The following TAF3 variants were observed in gnomAD, a reference collection of about 807,000 sequenced individuals.
TAF3 encodes transcription initiation factor TFIID subunit 3.
TAF3 carries 7 observed loss-of-function variants against 80.6 expected under a neutral mutation model. That is an observed-to-expected ratio of 0.09 (90% CI 0.05 to 0.16). The LOEUF (loss-of-function observed/expected upper bound fraction) is 0.16. TAF3 is among the 10% of genes least tolerant of loss of function. The probability of loss-of-function intolerance (pLI) is 1.00; values close to 1 mark genes in which losing one functional copy is unlikely to be tolerated. For missense variants in TAF3, 921 were observed against 1,140.2 expected (o/e 0.81, Z 2.77); for synonymous variants, 444 against 446.1 (o/e 1.00, Z 0.06).
intron 2 of TAF3, among the ~76,000 whole-genome samples, chr10:7,829,909 T>C (rs1409297738): frequency 3.9e-5 from 6 of 152,236 alleles, no homozygotes; most frequent in African/African-American, 1.4e-4. Context: ...ATTTCTATTT[T>C]TATTATTAAA....
chr10:7,863,672 C>CAT lies in TAF3; in HGVS notation c.409+39124_409+39125dup, dbSNP rs745710710. Among the ~76,000 whole-genome samples the CAT allele has an allele frequency of 5.0e-4, 21 of 41,792 alleles. 7 individuals are homozygous for CAT. Among genetic ancestry groups the CAT allele is most frequent in the Non-Finnish European group, 8.9e-4 (20 of 22,396 alleles). 27.4% of individuals were successfully genotyped at this position (41,792 alleles called of 152,430 possible). On this transcript the variant is annotated intron_variant, in intron 2 of 6. Coordinates refer to ENST00000344293, the MANE Select transcript of TAF3 (RefSeq NM_031923.4). ...ACACACACACATATATATATACACA[C>CAT]ATATATATATATACACACACATATA...
chr10:7,952,643 A>C (rs1383909066), intron 2 of TAF3, among the ~76,000 whole-genome samples: 1 of 152,214 alleles, frequency 6.6e-6, no homozygotes, highest in Admixed American at 6.5e-5. Flanking sequence ...TTTATTGTGC[A>C]GAATGTTAGT....
rs1004539726 is a variant in TAF3, at chr10:8,015,269, C to T, written c.*518C>T. On this transcript the variant is annotated 3_prime_UTR_variant, in exon 7 of 7. Coordinates refer to ENST00000344293, the MANE Select transcript of TAF3 (RefSeq NM_031923.4). The stretch of plus-strand genomic sequence containing the variant: ...TTTGTGATAAGAATATATGAAGCTT[C>T]CCTCCTTCCCCCGTTTTTAGTACTA... 6.6e-6 allele frequency: 1 copy of T among 152,244 alleles called. No individual in the cohort carries two copies. The highest frequency in any genetic ancestry group is 6.5e-5 in the Admixed American group (1 of 15,276). 9.4% of individuals were successfully genotyped at this position (152,244 alleles called of 1,614,324 possible). A position where few individuals can be genotyped will look rare whatever the true frequency, so the allele number is the denominator to read the frequency against.
At chr10:8,012,668 G>A (rs573198663) in intron 5 of TAF3, among the ~76,000 whole-genome samples, 1 of 152,328 alleles carries the variant, frequency 6.6e-6, no homozygotes, top group South Asian at 2.1e-4. Context: ...GGTCAGAGAT[G>A]TAGTTGCCCA....
intron 2 of TAF3, among the ~76,000 whole-genome samples, chr10:7,857,324 C>CCCTA (rs1331922152): frequency 3.3e-5 from 5 of 152,204 alleles, no homozygotes; most frequent in African/African-American, 1.2e-4. Flanking sequence ...ACTTTGCCTT[C>CCCTA]CCTATCACAG....
chr10:7,991,221 A>G (rs1831830556), intron 4 of TAF3, among the ~76,000 whole-genome samples: 2 of 152,120 alleles, frequency 1.3e-5, no homozygotes, highest in Admixed American at 6.5e-5. Context: ...ACACATCCGT[A>G]TGCATGTATA....
rs188961718 is a variant in TAF3 at position 7,949,462 on chromosome 10, C to T, written c.410-14458C>T. ...TTAGGGCAACAGCCAAGCAGGCCCC[C>T]ACCTGTCCTAGCCTTTCCCTTTGCA... On this transcript the variant is annotated intron_variant, in intron 2 of 6. Transcript: ENST00000344293. Among the ~76,000 whole-genome samples, 4 of 152,364 alleles carry T rather than the reference C, an allele frequency of 2.6e-5. No homozygotes were observed. In the East Asian group the frequency reaches 7.7e-4, roughly 29 times the overall value.
intron 5 of TAF3, among the ~76,000 whole-genome samples, chr10:8,012,332 C>G (rs1229969687): frequency 6.6e-6 from 1 of 152,176 alleles, no homozygotes; most frequent in South Asian, 2.1e-4. Flanking sequence ...GTTGGAAATG[C>G]CACTTAAATT....
At chr10:7,843,470 T>C (rs934830417) in intron 2 of TAF3, among the ~76,000 whole-genome samples, 3 of 152,196 alleles carry the variant, frequency 2.0e-5, no homozygotes, top group Non-Finnish European at 4.4e-5. Context: ...CTTTTAGTTG[T>C]AGTCATCTAC....
At chr10:7,979,443 TTC>T (rs1831704954) in intron 4 of TAF3, among the ~76,000 whole-genome samples, 2 of 152,188 alleles carry the variant, frequency 1.3e-5, no homozygotes, top group South Asian at 2.1e-4. Flanking sequence ...TGATTATTTA[TTC>T]TGTTTTCCCC....
intron 2 of TAF3, among the ~76,000 whole-genome samples, chr10:7,854,876 A>T (rs2131129191): frequency 6.6e-6 from 1 of 152,316 alleles, no homozygotes; most frequent in East Asian, 1.9e-4. Context: ...GTTGTGGATG[A>T]ACAGAATGAG....
chr10:8,008,165 C>T (rs955693051), intron 4 of TAF3, among the ~76,000 whole-genome samples: 2 of 144,354 alleles, frequency 1.4e-5, no homozygotes, highest in African/African-American at 2.5e-5. Context: ...GGCGAGATCT[C>T]GGCTCACTGT....
rs1358422236 is a variant in TAF3 at position 7,818,584 on chromosome 10, G to A, written c.-126G>A. On this transcript the variant is annotated 5_prime_UTR_variant, in exon 1 of 7. Coordinates refer to ENST00000344293, the MANE Select transcript of TAF3 (RefSeq NM_031923.4). ...CTGCTGGGGCTTTGAGGTGGTCGCC[G>A]GGGGTCCGGGGGACCCTTTCCCCGC... The A allele has an allele frequency of 6.4e-6, 7 of 1,089,982 alleles. No individual in the cohort carries two copies. The East Asian group carries it at 9.4e-5, about 15-fold the overall frequency. 67.5% of individuals were successfully genotyped at this position (1,089,982 alleles called of 1,614,324 possible). A position where few individuals can be genotyped will look rare whatever the true frequency, so the allele number is the denominator to read the frequency against.
At chr10:7,886,738 TATAAC>T (rs1408807053) in intron 2 of TAF3, among the ~76,000 whole-genome samples, 2 of 152,236 alleles carry the variant, frequency 1.3e-5, no homozygotes, top group African/African-American at 4.8e-5. Flanking sequence ...CCTCAACACT[TATAAC>T]ATGACCTCTG....
intron 2 of TAF3, among the ~76,000 whole-genome samples, chr10:7,863,676 T>TATATACACACACAC (rs1564350867): frequency 5.4e-5 from 3 of 55,176 alleles, no homozygotes; most frequent in Non-Finnish European, 7.4e-5. Context: ...TACACACATA[T>TATATACACACACAC]ATATATATAC....
At chr10:7,940,949 A>G (rs1260513395) in intron 2 of TAF3, among the ~76,000 whole-genome samples, 1 of 151,732 alleles carries the variant, frequency 6.6e-6, no homozygotes, top group Non-Finnish European at 1.5e-5. Context: ...ACAGAGCAAG[A>G]CCCTGTCTCA....
At chr10:7,930,869 T>G (rs986659613) in intron 2 of TAF3, among the ~76,000 whole-genome samples, 3 of 152,020 alleles carry the variant, frequency 2.0e-5, no homozygotes, top group Non-Finnish European at 4.4e-5. Context: ...ATATAAGGGC[T>G]TATATTTTTG....
intron 1 of TAF3, among the ~76,000 whole-genome samples, chr10:7,822,781 A>C (rs1452159419): frequency 2.0e-5 from 3 of 152,248 alleles, no homozygotes; most frequent in African/African-American, 7.2e-5. Flanking sequence ...TAGGCTATTG[A>C]AAATCAGAAA....
At chr10:7,966,317 C>A (rs1305878633) in intron 3 of TAF3, among the ~76,000 whole-genome samples, 1 of 152,208 alleles carries the variant, frequency 6.6e-6, no homozygotes, top group Non-Finnish European at 1.5e-5. Flanking sequence ...GGGCACATTT[C>A]TGAGTATCTA....
Sources: gnomAD v4.1 joint callset for allele counts (sites outside exome capture counted in the v4.1 genomes callset) on GRCh38, gnomAD v4.1.1 for gene constraint, MANE v1.5 for transcripts, NCBI Gene and HGNC (gene_info 2026-07-23, HGNC 2026-07-21) for gene names.